The following ITGA9 variants were observed in gnomAD, a reference collection of about 807,000 sequenced individuals.
ITGA9 encodes integrin alpha-9.
ITGA9 carries 56 observed loss-of-function variants against 127.8 expected under a neutral mutation model. The ratio of observed to expected loss-of-function variants is 0.44; its 90% CI spans 0.35 to 0.55. ITGA9 has a LOEUF of 0.55. Ranked by LOEUF, ITGA9 falls within the 20% of genes least tolerant of loss-of-function variation. The pLI, the probability that ITGA9 is intolerant of heterozygous loss-of-function variation, is 0.00. For missense variants in ITGA9, 1,196 were observed against 1,347.1 expected (o/e 0.89, Z 1.76); for synonymous variants, 508 against 514.5 (o/e 0.99, Z 0.17).
At chr3:37,542,353 A>T (rs1699281377) in intron 14 of ITGA9, 72 bp from the exon 15 acceptor site, 2 of 1,528,988 alleles carry the variant, frequency 1.3e-6, no homozygotes, top group African/African-American at 1.4e-5. Context: ...TGATCCTGTG[A>T]CAAGGAAAAG....
intron 1 of ITGA9, among the ~76,000 whole-genome samples, chr3:37,462,721 G>A (rs1214069193): frequency 1.3e-5 from 2 of 152,172 alleles, no homozygotes; most frequent in Non-Finnish European, 2.9e-5. Context: ...TCTTCGGAGG[G>A]CATTTGTGTC....
intron 7 of ITGA9, among the ~76,000 whole-genome samples, chr3:37,507,658 G>A (rs1404593137): frequency 6.6e-6 from 1 of 152,134 alleles, no homozygotes; most frequent in Non-Finnish European, 1.5e-5. Flanking sequence ...CCACCTGAGA[G>A]GCATGGGGAA....
At chr3:37,649,445 A>C (rs1280546639) in intron 16 of ITGA9, among the ~76,000 whole-genome samples, 2 of 152,196 alleles carry the variant, frequency 1.3e-5, no homozygotes, top group Admixed American at 1.3e-4. Flanking sequence ...TATATCAACA[A>C]AATAGACTTT....
At chr3:37,528,539 T>C (rs1218932924) in intron 13 of ITGA9, among the ~76,000 whole-genome samples, 2 of 152,176 alleles carry the variant, frequency 1.3e-5, no homozygotes, top group African/African-American at 2.4e-5. Flanking sequence ...ATCCATTATC[T>C]TATTCATTCA....
chr3:37,764,842 CCTT>C (rs1439101387), intron 23 of ITGA9, among the ~76,000 whole-genome samples: 4 of 152,330 alleles, frequency 2.6e-5, no homozygotes, highest in African/African-American at 4.8e-5. Flanking sequence ...ATAGCTGGCT[CCTT>C]CTTATTATGC....
At chr3:37,671,084 C>A (rs530910399) in intron 17 of ITGA9, among the ~76,000 whole-genome samples, 3 of 152,248 alleles carry the variant, frequency 2.0e-5, no homozygotes, top group Non-Finnish European at 4.4e-5. Flanking sequence ...CGCTGCACAC[C>A]GGGGCTGTCT....
chr3:37,818,721 C>G, intron 27 of ITGA9, 170 bp from the exon 28 acceptor site: 2 of 656,136 alleles, frequency 3.0e-6, no homozygotes, highest in East Asian at 2.7e-5. Flanking sequence ...TGAAAAATGT[C>G]TCCACAGGAT....
chr3:37,576,504 G>T (rs1297194378), intron 15 of ITGA9, among the ~76,000 whole-genome samples: 2 of 152,176 alleles, frequency 1.3e-5, no homozygotes, highest in Non-Finnish European at 2.9e-5. Context: ...TTTTTGCTTA[G>T]AAAAGTCCTG....
chr3:37,518,093 C>CGTGTGTGTGTGTGTGTGTGTGT (rs55842055), intron 10 of ITGA9, among the ~76,000 whole-genome samples: 4,828 of 144,094 alleles, frequency 0.034, 110 homozygotes, highest in Non-Finnish European at 0.042. Context: ...AGAGTGTACG[C>CGTGTGTGTGTGTGTGTGTGTGT]GTGTGTGTGT....
At chr3:37,748,241 G>A in intron 22 of ITGA9, 1 of 486,112 alleles carries the variant, frequency 2.1e-6, no homozygotes, top group Non-Finnish European at 3.9e-6. Context: ...GACATCAAGG[G>A]AATGGGTACT....
At chr3:37,500,691 C>G (rs142366055) in intron 5 of ITGA9, among the ~76,000 whole-genome samples, 3 of 152,344 alleles carry the variant, frequency 2.0e-5, no homozygotes, top group African/African-American at 7.2e-5. Context: ...GCGGCAGGAT[C>G]TAGCCTCCAG....
chr3:37,763,218 T>A (rs925986978), intron 23 of ITGA9, among the ~76,000 whole-genome samples: 2 of 152,152 alleles, frequency 1.3e-5, no homozygotes, highest in Non-Finnish European at 2.9e-5. Context: ...GGAGAAAAAT[T>A]TAAAAAGCAA....
intron 16 of ITGA9, among the ~76,000 whole-genome samples, chr3:37,650,400 T>C (rs888658502): frequency 6.6e-6 from 1 of 152,170 alleles, no homozygotes; most frequent in Non-Finnish European, 1.5e-5. Context: ...ACATCAATTC[T>C]TTGTCTCCTT....
At chr3:37,796,097 T>C (rs1440195197) in intron 26 of ITGA9, among the ~76,000 whole-genome samples, 1 of 152,136 alleles carries the variant, frequency 6.6e-6, no homozygotes, top group Non-Finnish European at 1.5e-5. Flanking sequence ...CACTGTCCAA[T>C]GGCAGTGTCT....
At chr3:37,727,550 T>G (rs1202481556) in intron 18 of ITGA9, among the ~76,000 whole-genome samples, 1 of 152,242 alleles carries the variant, frequency 6.6e-6, no homozygotes, top group Non-Finnish European at 1.5e-5. Flanking sequence ...ATTATAATTG[T>G]CAAAGATATC....
At chr3:37,565,013 G>A (rs563551784) in intron 15 of ITGA9, among the ~76,000 whole-genome samples, 1 of 152,296 alleles carries the variant, frequency 6.6e-6, no homozygotes, top group South Asian at 2.1e-4. Flanking sequence ...CTGACCTGAG[G>A]GCCTGTGGCT....
At chr3:37,463,909 A>G (rs541627038) in intron 1 of ITGA9, among the ~76,000 whole-genome samples, 15 of 152,244 alleles carry the variant, frequency 9.9e-5, no homozygotes, top group Admixed American at 2.0e-4. Flanking sequence ...ACTCAGGAAT[A>G]GGGCATTGCA....
chr3:37,744,539 C>T (rs1024746906), intron 22 of ITGA9, among the ~76,000 whole-genome samples: 2 of 152,220 alleles, frequency 1.3e-5, no homozygotes, highest in Non-Finnish European at 2.9e-5. Flanking sequence ...ACGGGAGGCA[C>T]GCTGCTCCCT....
intron 15 of ITGA9, among the ~76,000 whole-genome samples, chr3:37,545,623 G>T (rs1010520117): frequency 1.3e-5 from 2 of 152,208 alleles, no homozygotes; most frequent in Non-Finnish European, 2.9e-5. Flanking sequence ...GGCAGCTCCA[G>T]CCACTTCCTT....
Sources: gnomAD v4.1 joint callset for allele counts (sites outside exome capture counted in the v4.1 genomes callset) on GRCh38, gnomAD v4.1.1 for gene constraint, MANE v1.5 for transcripts, NCBI Gene and HGNC (gene_info 2026-07-23, HGNC 2026-07-21) for gene names.